ALG9: variants seen among roughly 807,000 people sequenced by gnomAD.
ALG9 encodes the protein alpha-1,2-mannosyltransferase ALG9.
ALG9 carries 55 observed loss-of-function variants against 81.8 expected under a neutral mutation model. That is an observed-to-expected ratio of 0.67 (90% confidence interval 0.54 to 0.84). The LOEUF (loss-of-function observed/expected upper bound fraction) is 0.84, where lower values mean the gene tolerates loss of function less well. ALG9 is among the 40% of genes least tolerant of loss of function. The pLI is 0.00. For missense variants in ALG9, 629 were observed against 745.0 expected (o/e 0.84, Z 1.81); for synonymous variants, 278 against 274.3 (o/e 1.01, Z -0.13).
chr11:111,848,550 A>G (rs1412508260), intron 8 of ALG9, among the ~76,000 whole-genome samples: 3 of 148,650 alleles, frequency 2.0e-5, no homozygotes, highest in Non-Finnish European at 4.4e-5. Context: ...AGGTCACCCC[A>G]CTGCACTCCA....
At chr11:111,807,319 C>A (rs551839435) in intron 14 of ALG9, among the ~76,000 whole-genome samples, 5 of 152,264 alleles carry the variant, frequency 3.3e-5, no homozygotes, top group Admixed American at 2.0e-4. Flanking sequence ...TCAGCTCCAG[C>A]CTCACTGGCC....
rs34575358 is a variant in ALG9, at chr11:111,854,095, C to CTT, written c.702-361_702-360dup. On this transcript the variant is annotated intron_variant, in intron 6 of 14. Coordinates refer to ENST00000616540, the MANE Select transcript of ALG9 (RefSeq NM_024740.2). Reference sequence around the variant, plus strand: ...ATTTTAGTAATAACCTTATTACAGACTTTTTTTTTTTTTTTTTTTTGAGAC... The same window carrying CTT: ...ATTTTAGTAATAACCTTATTACAGACTTTTTTTTTTTTTTTTTTTTTTGAGAC... Among the ~76,000 whole-genome samples, 172 of 117,756 alleles carry CTT rather than the reference C, an allele frequency of 1.5e-3. 2 individuals carry two copies. Among genetic ancestry groups the CTT allele is most frequent in the Non-Finnish European group, 1.9e-3 (111 of 58,202 alleles). The allele number at this position is 117,756 out of a possible 152,430, so 77.3% of individuals were successfully genotyped here. A position where few individuals can be genotyped will look rare whatever the true frequency, so the allele number is the denominator to read the frequency against.
intron 9 of ALG9, among the ~76,000 whole-genome samples, chr11:111,843,874 T>C (rs1056068405): frequency 1.3e-5 from 2 of 152,204 alleles, no homozygotes; most frequent in Admixed American, 1.3e-4. Flanking sequence ...ACTATCAAAT[T>C]TGGGGAAATC....
chr11:111,844,842 A>C (rs1956729541), intron 8 of ALG9, 119 bp from the exon 9 acceptor site: 1 of 1,119,614 alleles, frequency 8.9e-7, no homozygotes, highest in South Asian at 1.2e-5. Flanking sequence ...CATGGGAATG[A>C]GAGTGCACAG....
chr11:111,830,932 A>G (rs1464592325), intron 13 of ALG9, among the ~76,000 whole-genome samples: 1 of 152,160 alleles, frequency 6.6e-6, no homozygotes, highest in Non-Finnish European at 1.5e-5. Context: ...CCACTTTGGG[A>G]GGTCAAGGCA....
At chr11:111,776,478 C>T in the ALG9 span, among the ~76,000 whole-genome samples, 53 of 152,278 alleles carry the variant, frequency 3.5e-4, no homozygotes, top group East Asian at 0.01. Context: ...ATCCCAGCTA[C>T]TCAGGAGGCT....
the ALG9 span, chr11:111,771,277 C>CA: frequency 1.3e-5 from 2 of 152,356 alleles, no homozygotes; most frequent in African/African-American, 4.8e-5. Flanking sequence ...ACTAAAAATG[C>CA]AAAAATTAGC....
chr11:111,844,709 A>G lies in ALG9; in HGVS notation c.910T>C (p.Tyr304His). 3 of 1,613,984 alleles carry G rather than the reference A, an allele frequency of 1.9e-6. No individual in the cohort carries two copies. Among genetic ancestry groups the G allele is most frequent in the Non-Finnish European group, 2.5e-6 (3 of 1,179,884 alleles). The change falls in exon 9 of 15, where the codon TAT (tyrosine) becomes CAT (histidine). Residue 304 changes from tyrosine to histidine, a missense_variant. Tyr to His is a moderately conservative substitution (Grantham distance 83). This residue lies in a region of ALG9 where 344 missense variants were observed against 390.5 expected (regional missense o/e 0.88). Coordinates refer to ENST00000616540, the MANE Select transcript of ALG9 (RefSeq NM_024740.2). ...AGAAATCCATTAATTAAATAGAAAT[A>G]CCAGGGTTCTGTACCTGAGGGAGAC... ...GPDLYGTEPW[Y>H]FYLINGFLNF...
chr11:111,826,029 G>A (rs1436274514), intron 13 of ALG9, among the ~76,000 whole-genome samples: 1 of 149,792 alleles, frequency 6.7e-6, no homozygotes, highest in African/African-American at 2.5e-5. Flanking sequence ...TCGCACCACT[G>A]CACTCCAGCC....
intron 4 of ALG9, chr11:111,864,358 CA>C: frequency 1.3e-6 from 1 of 768,360 alleles, no homozygotes; most frequent in Admixed American, 1.7e-5. Context: ...CTGCAGACTT[CA>C]AACAATTCTG....
intron 14 of ALG9, chr11:111,805,035 T>C (rs752441431): frequency 1.9e-4 from 52 of 279,186 alleles, no homozygotes; most frequent in Non-Finnish European, 2.2e-4. Flanking sequence ...TATTAATAAT[T>C]GCTGTTATGG....
chr11:111,797,388 G>C (rs1044455323), intron 14 of ALG9, among the ~76,000 whole-genome samples: 4 of 152,238 alleles, frequency 2.6e-5, no homozygotes, highest in Admixed American at 2.6e-4. Flanking sequence ...ATCTAGCCAA[G>C]AGCCAGCATC....
chr11:111,841,055 A>G (rs1325889986), intron 9 of ALG9, among the ~76,000 whole-genome samples: 6 of 152,228 alleles, frequency 3.9e-5, no homozygotes, highest in Non-Finnish European at 7.3e-5. Context: ...TGGTTAGGAC[A>G]CATATAAATG....
intron 14 of ALG9, among the ~76,000 whole-genome samples, chr11:111,786,904 A>C (rs782049428): frequency 4.6e-5 from 7 of 152,178 alleles, no homozygotes; most frequent in Non-Finnish European, 1.0e-4. Context: ...TACTCAAATG[A>C]CCTGGACTCC....
At chr11:111,870,809 T>C (rs555416019) in intron 1 of ALG9, 1 of 1,007,762 alleles carries the variant, frequency 9.9e-7, no homozygotes, top group African/African-American at 1.7e-5. Context: ...TCCTTTTCTT[T>C]CTTTTCTTAA....
At chr11:111,841,102 G>A (rs1453670644) in intron 9 of ALG9, among the ~76,000 whole-genome samples, 1 of 152,070 alleles carries the variant, frequency 6.6e-6, no homozygotes, top group African/African-American at 2.4e-5. Flanking sequence ...TAAATTCTAC[G>A]TTAGATGAAG....
intron 3 of ALG9, among the ~76,000 whole-genome samples, chr11:111,868,165 A>G (rs1566287025): frequency 6.6e-6 from 1 of 152,230 alleles, no homozygotes; most frequent in Non-Finnish European, 1.5e-5. Context: ...GGACAAACCC[A>G]AAGAAATCCA....
intron 14 of ALG9, 121 bp from the exon 15 acceptor site, chr11:111,786,641 C>T (rs1946513498): frequency 3.4e-6 from 4 of 1,180,334 alleles, no homozygotes; most frequent in South Asian, 2.8e-5. Context: ...TCAAGTGGCA[C>T]AGAAAAGCCT....
At chr11:111,791,863 G>A (rs1591803858) in intron 14 of ALG9, among the ~76,000 whole-genome samples, 1 of 152,218 alleles carries the variant, frequency 6.6e-6, no homozygotes, top group Non-Finnish European at 1.5e-5. Context: ...AGGCCAAGGC[G>A]GGTGAATCAC....
Sources: allele counts gnomAD v4.1 joint callset (sites outside exome capture counted in the v4.1 genomes callset), GRCh38; gene constraint gnomAD v4.1.1; regional missense constraint gnomAD v4.1.1; transcripts MANE v1.5; gene names NCBI Gene and HGNC (gene_info 2026-07-23, HGNC 2026-07-21).